LDB3: variants seen among roughly 807,000 people sequenced by gnomAD.
LDB3 encodes the protein LIM domain binding 3.
LDB3 carries 49 observed loss-of-function variants against 69.0 expected under a neutral mutation model. That is an observed-to-expected ratio of 0.71 (90% CI 0.56 to 0.90). The LOEUF is 0.90. Among genes scored for constraint, LDB3 ranks in the 40% least tolerant of loss-of-function variants. The probability of loss-of-function intolerance (pLI) is 0.00; values close to 1 mark genes in which losing one functional copy is unlikely to be tolerated. For synonymous variants in LDB3, 387 were observed against 396.2 expected (o/e 0.98, Z 0.28); for missense variants, 928 against 974.1 (o/e 0.95, Z 0.63).
At position 86,726,414 on chromosome 10, in the gene LDB3, G is replaced by A. The variant is rs112207292; in HGVS notation, c.2094+162G>A. On this transcript the variant is annotated intron_variant, in intron 13 of 13. Transcript: ENST00000361373. Reference sequence around the variant, plus strand: ...CATGATGCCTCGATACATCACAGTCGAACAAAGTTTCATTCCTAATAATTA... The same window carrying A: ...CATGATGCCTCGATACATCACAGTCAAACAAAGTTTCATTCCTAATAATTA... 1,701 of 671,434 alleles carry A rather than the reference G, an allele frequency of 2.5e-3. 33 individuals are homozygous for A. In the African/African-American group the frequency reaches 0.027, roughly 11 times the overall value. 41.6% of individuals were successfully genotyped at this position (671,434 alleles called of 1,614,324 possible). A position where few individuals can be genotyped will look rare whatever the true frequency, so the allele number is the denominator to read the frequency against.
chr10:86,704,833 C>T lies in LDB3; in HGVS notation c.897-1698C>T, dbSNP rs553499887. The stretch of plus-strand genomic sequence containing the variant: ...TCCTGACCTCGTGATCCGCCCACCT[C>T]GGCCTCCCAAAATGCTGGGATTACA... On this transcript the variant is annotated intron_variant, in intron 7 of 13. Coordinates refer to ENST00000361373, the MANE Select transcript of LDB3 (RefSeq NM_007078.3). Among the ~76,000 whole-genome samples, 20 of 152,154 alleles carry T rather than the reference C, an allele frequency of 1.3e-4. No individual in the cohort carries two copies. The East Asian group carries it at 3.5e-3, about 26-fold the overall frequency.
At chr10:86,725,360 T>C (rs1425901405) in intron 12 of LDB3, among the ~76,000 whole-genome samples, 1 of 152,178 alleles carries the variant, frequency 6.6e-6, no homozygotes, top group Non-Finnish European at 1.5e-5. Flanking sequence ...AAGATAATAA[T>C]AGTTCAATTT....
chr10:86,724,169 G>A (rs1353370465), intron 12 of LDB3, among the ~76,000 whole-genome samples: 2 of 152,110 alleles, frequency 1.3e-5, no homozygotes, highest in Admixed American at 6.6e-5. Context: ...AAATTAGCCA[G>A]GCGTGGTGGC....
At chr10:86,708,218 T>C (rs1349151959) in intron 8 of LDB3, among the ~76,000 whole-genome samples, 1 of 152,104 alleles carries the variant, frequency 6.6e-6, no homozygotes, top group African/African-American at 2.4e-5. Flanking sequence ...GGGACCTGGG[T>C]GGAGCTTGGA....
chr10:86,715,611 GTGGGA>G (rs1195066862), intron 9 of LDB3, among the ~76,000 whole-genome samples: 1 of 152,138 alleles, frequency 6.6e-6, no homozygotes, highest in African/African-American at 2.4e-5. Context: ...CCAAAGCGAT[GTGGGA>G]GTACAGGGGT....
intron 7 of LDB3, among the ~76,000 whole-genome samples, chr10:86,705,869 C>T (rs539705484): frequency 4.6e-5 from 7 of 152,190 alleles, no homozygotes; most frequent in Non-Finnish European, 1.0e-4. Flanking sequence ...ATGGGGAACC[C>T]TGGGGTCCTG....
chr10:86,706,627 G>A lies in LDB3; in HGVS notation c.993G>A (p.Ala331=), dbSNP rs140347820. 1.3e-3 allele frequency: 2,065 copies of A among 1,613,018 alleles called. 3 individuals are homozygous for A. The highest frequency in any genetic ancestry group is 1.6e-3 in the Non-Finnish European group (1,883 of 1,179,956). ...AQPPAAASPS[A]ASPPLATAAA... The stretch of plus-strand genomic sequence containing the variant: ...CACCTGCTGCTGCCTCTCCCAGTGC[G>A]GCTTCGCCACCCCTGGCCACAGCTG... The change falls in exon 8 of 14, where the codon GCG becomes GCA. Residue 331 remains alanine (A), a synonymous_variant. Transcript: ENST00000361373.
At chr10:86,700,171 C>G in intron 7 of LDB3, 1 of 609,786 alleles carries the variant, frequency 1.6e-6, no homozygotes, top group Non-Finnish European at 2.1e-6. Context: ...GTCCACCGGC[C>G]CCAGGACACA....
At chr10:86,716,007 C>G (rs887988023) in intron 9 of LDB3, among the ~76,000 whole-genome samples, 1 of 152,184 alleles carries the variant, frequency 6.6e-6, no homozygotes, top group African/African-American at 2.4e-5. Flanking sequence ...CCCCCACCCC[C>G]ACTCTGCGTC....
intron 13 of LDB3, chr10:86,726,535 G>A: frequency 2.2e-6 from 1 of 461,950 alleles, no homozygotes; most frequent in Non-Finnish European, 4.0e-6. Context: ...CACCAGCAGT[G>A]TTGTCAGCGG....
Position 86,680,085 on chromosome 10 carries a change from A to G in LDB3, c.249A>G (p.Ser83=). ...GTCTCATTTCTGGTTTCTACAGATC[A>G]AAGCGTCCCATTCCCATCTCCACGA... is the stretch of plus-strand genomic sequence containing the variant. The part of the protein sequence containing the change: ...SYNLSLTLQK[S]KRPIPISTTA... The change falls in exon 4 of 14, where the codon TCA becomes TCG. Residue 83 remains serine (S), a synonymous_variant. Coordinates refer to ENST00000361373, the MANE Select transcript of LDB3 (RefSeq NM_007078.3). 1 of 1,614,130 alleles carries G rather than the reference A, an allele frequency of 6.2e-7. No individual in the cohort carries two copies. The highest frequency in any genetic ancestry group is 8.5e-7 in the Non-Finnish European group (1 of 1,179,950).
intron 12 of LDB3, among the ~76,000 whole-genome samples, chr10:86,720,290 G>A (rs1049548314): frequency 2.0e-5 from 3 of 151,940 alleles, no homozygotes; most frequent in Admixed American, 6.6e-5. Flanking sequence ...ACAAAAATAC[G>A]AAAATTAGCC....
chr10:86,705,234 G>A (rs377214757), intron 7 of LDB3, among the ~76,000 whole-genome samples: 2 of 152,186 alleles, frequency 1.3e-5, no homozygotes, highest in Non-Finnish European at 2.9e-5. Flanking sequence ...GTAGGACCTT[G>A]AGCAACTGAA....
At chr10:86,687,363 T>C (rs1845539588) in intron 5 of LDB3, 1 of 1,301,930 alleles carries the variant, frequency 7.7e-7, no homozygotes, top group Non-Finnish European at 1.1e-6. Flanking sequence ...CTTTCTTCCC[T>C]CACGTTGGAC....
At chr10:86,677,839 G>C (rs1193874351) in intron 2 of LDB3, among the ~76,000 whole-genome samples, 2 of 152,170 alleles carry the variant, frequency 1.3e-5, no homozygotes, top group Non-Finnish European at 2.9e-5. Context: ...CTGCCAGGTA[G>C]CACAAAGCAC....
intron 7 of LDB3, among the ~76,000 whole-genome samples, chr10:86,704,127 GAA>G (rs138773206): frequency 1.9e-4 from 25 of 133,100 alleles, no homozygotes; most frequent in Non-Finnish European, 3.1e-4. Context: ...TTAAAAAAGA[GAA>G]AAAAAAAAAA....
chr10:86,697,699 G>A (rs528016718), intron 7 of LDB3, among the ~76,000 whole-genome samples: 25 of 151,032 alleles, frequency 1.7e-4, no homozygotes, highest in Non-Finnish European at 2.4e-4. Context: ...GACTACAAGC[G>A]CATGCCATCA....
intron 7 of LDB3, among the ~76,000 whole-genome samples, chr10:86,693,671 T>C (rs549217449): frequency 6.6e-6 from 1 of 152,348 alleles, no homozygotes; most frequent in East Asian, 1.9e-4. Context: ...AACCCTTCAG[T>C]GCCTGCAGGG....
At position 86,699,203 on chromosome 10, in the gene LDB3, T is replaced by G; in HGVS notation, c.896+6632T>G. 1.3e-6 allele frequency: 2 copies of G among 1,565,512 alleles called. No individual in the cohort carries two copies. Among genetic ancestry groups the G allele is most frequent in the Non-Finnish European group, 1.8e-6 (2 of 1,140,686 alleles). ...ACACATTCCCTAACCCCTTTCATTCTCCCTCTCTTCTCTCTCTTTCTGTCT... is the reference window on the plus strand; with the variant it reads ...ACACATTCCCTAACCCCTTTCATTCGCCCTCTCTTCTCTCTCTTTCTGTCT... On this transcript the variant is annotated intron_variant, in intron 7 of 13. Transcript: ENST00000361373. The surrounding 1 kb of genome is among the most constrained non-coding windows in gnomAD (Gnocchi z 4.9).
Sources: allele counts gnomAD v4.1 joint callset (sites outside exome capture counted in the v4.1 genomes callset), GRCh38; gene constraint gnomAD v4.1.1; non-coding constraint Gnocchi (gnomAD v3.1); transcripts MANE v1.5; gene names NCBI Gene and HGNC (gene_info 2026-07-23, HGNC 2026-07-21).